Variants in MDGA2 observed in about 807,000 individuals in gnomAD.
The protein encoded by MDGA2 is MAM domain containing glycosylphosphatidylinositol anchor 2.
Under a neutral mutation model 117.8 loss-of-function variants are expected in MDGA2, and 40 were observed. The observed-to-expected ratio is 0.34, with a 90% CI of 0.26 to 0.44. The LOEUF is 0.44. MDGA2 is among the 20% of genes least tolerant of loss of function. The pLI is 1.00. For synonymous variants in MDGA2, 452 were observed against 439.0 expected (o/e 1.03, Z -0.37); for missense variants, 1,123 against 1,250.6 (o/e 0.90, Z 1.54).
intron 1 of MDGA2, among the ~76,000 whole-genome samples, chr14:47,465,040 T>C (rs1893571388): frequency 6.6e-6 from 1 of 151,876 alleles, no homozygotes; most frequent in Non-Finnish European, 1.5e-5. Context: ...AGCCCAGAAA[T>C]AAGTCCACAC....
chr14:47,347,493 T>C (rs568144374), intron 1 of MDGA2, among the ~76,000 whole-genome samples: 1 of 152,324 alleles, frequency 6.6e-6, no homozygotes, highest in South Asian at 2.1e-4. Flanking sequence ...GTAACTAGTC[T>C]AATAGACAAG....
chr14:47,225,939 A>G (rs528091760), intron 2 of MDGA2, among the ~76,000 whole-genome samples: 1 of 152,200 alleles, frequency 6.6e-6, no homozygotes, highest in South Asian at 2.1e-4. Flanking sequence ...ACTAAGATGC[A>G]ATTTAAAATA....
At chr14:47,272,163 G>C (rs1031075908) in intron 2 of MDGA2, among the ~76,000 whole-genome samples, 4 of 152,102 alleles carry the variant, frequency 2.6e-5, no homozygotes, top group African/African-American at 9.7e-5. Flanking sequence ...AACAACTAAT[G>C]AAAGAGCAAT....
intron 5 of MDGA2, among the ~76,000 whole-genome samples, chr14:47,127,207 G>A (rs1881950182): frequency 6.6e-6 from 1 of 152,070 alleles, no homozygotes; most frequent in Non-Finnish European, 1.5e-5. Context: ...ACATCACTTA[G>A]AGATTCAAAA....
rs1393612902 is a variant in MDGA2 at position 46,982,469 on chromosome 14, G to C, written c.1820-24826C>G. On this transcript the variant is annotated intron_variant, in intron 8 of 16. Transcript: ENST00000399232. ...CTCATGCCTGTAATCCCAGTACTTT[G>C]TGGGGCTGAGGCAGGCAGATCACGA... Among the ~76,000 whole-genome samples, 5 of 151,888 alleles carry C rather than the reference G, an allele frequency of 3.3e-5. No individual in the cohort carries two copies. The East Asian group carries it at 7.7e-4, about 24-fold the overall frequency.
chr14:47,023,920 A>C (rs1239814774), intron 8 of MDGA2, among the ~76,000 whole-genome samples: 1 of 152,162 alleles, frequency 6.6e-6, no homozygotes, highest in Non-Finnish European at 1.5e-5. Flanking sequence ...TAGGATCAAA[A>C]TCTGATATAC....
chr14:47,461,273 G>GTGTGTGTGTGTA (rs1417737990), intron 1 of MDGA2, among the ~76,000 whole-genome samples: 2 of 151,082 alleles, frequency 1.3e-5, no homozygotes, highest in Non-Finnish European at 3.0e-5. Context: ...AAATGTATGT[G>GTGTGTGTGTGTA]TGTGTGTGTG....
chr14:47,585,656 T>C (rs1360926236), intron 1 of MDGA2, among the ~76,000 whole-genome samples: 1 of 151,652 alleles, frequency 6.6e-6, no homozygotes, highest in Non-Finnish European at 1.5e-5. Flanking sequence ...CTAGGAAGTA[T>C]AAGGCATCTA....
chr14:47,603,127 C>A (rs1263563773), intron 1 of MDGA2, among the ~76,000 whole-genome samples: 1 of 152,088 alleles, frequency 6.6e-6, no homozygotes, highest in African/African-American at 2.4e-5. Flanking sequence ...GAATTGGGAC[C>A]ACAACTCTCT....
chr14:47,087,332 T>C (rs912449671), intron 6 of MDGA2, among the ~76,000 whole-genome samples: 2 of 151,596 alleles, frequency 1.3e-5, no homozygotes, highest in Non-Finnish European at 2.9e-5. Flanking sequence ...CTGGCTAACA[T>C]GGTGAAACCC....
intron 5 of MDGA2, among the ~76,000 whole-genome samples, chr14:47,115,461 A>G (rs8017498): frequency 0.25 from 37,883 of 151,910 alleles, 5,003 homozygotes; most frequent in East Asian, 0.5. Flanking sequence ...ATTTTGTCTT[A>G]AATGTTTGTG....
At chr14:47,024,690 T>C (rs1189851983) in intron 8 of MDGA2, among the ~76,000 whole-genome samples, 1 of 152,178 alleles carries the variant, frequency 6.6e-6, no homozygotes, top group African/African-American at 2.4e-5. Flanking sequence ...AGAAAAGTAT[T>C]TGACTTCTTT....
intron 1 of MDGA2, among the ~76,000 whole-genome samples, chr14:47,571,868 G>A (rs571587363): frequency 6.6e-6 from 1 of 152,166 alleles, no homozygotes; most frequent in East Asian, 1.9e-4. Flanking sequence ...TAACAAACCT[G>A]CAAGTTCCAC....
chr14:47,360,085 C>T (rs1036939483), intron 1 of MDGA2, among the ~76,000 whole-genome samples: 1 of 151,924 alleles, frequency 6.6e-6, no homozygotes, highest in African/African-American at 2.4e-5. Flanking sequence ...GGTGCAGTGG[C>T]TCATGCCTGT....
At chr14:47,438,842 A>G in intron 1 of MDGA2, among the ~76,000 whole-genome samples, 1 of 152,136 alleles carries the variant, frequency 6.6e-6, no homozygotes, top group Non-Finnish European at 1.5e-5. Flanking sequence ...AAACAAAAAA[A>G]AGTCTCTCTC....
chr14:47,284,626 G>C (rs1273770729), intron 2 of MDGA2, among the ~76,000 whole-genome samples: 2 of 152,114 alleles, frequency 1.3e-5, no homozygotes, highest in Non-Finnish European at 2.9e-5. Context: ...CCTGATTTTT[G>C]GATCATTTGT....
At position 47,297,019 on chromosome 14, in the gene MDGA2, T is replaced by A. The variant is rs181604800; in HGVS notation, c.420+4392A>T. Among the ~76,000 whole-genome samples, 312 of 152,282 alleles carry A rather than the reference T, an allele frequency of 2.0e-3. 2 individuals are homozygous for A. The highest frequency in any genetic ancestry group is 7.1e-3 in the African/African-American group (293 of 41,554). On this transcript the variant is annotated intron_variant, in intron 2 of 16. Coordinates refer to ENST00000399232, the MANE Select transcript of MDGA2 (RefSeq NM_001113498.3). The stretch of plus-strand genomic sequence containing the variant: ...CTGGCCCCAATGCAGGGGTTTCTAA[T>A]GTGAAGGGATCTGAGAATCTTCATT...
chr14:47,283,182 T>C (rs926287388), intron 2 of MDGA2, among the ~76,000 whole-genome samples: 26 of 151,898 alleles, frequency 1.7e-4, no homozygotes, highest in African/African-American at 6.0e-4. Flanking sequence ...GGGAAAGAAA[T>C]AGAAAGCAAA....
chr14:47,044,358 T>A (rs1228906271), intron 7 of MDGA2, among the ~76,000 whole-genome samples: 1 of 152,130 alleles, frequency 6.6e-6, no homozygotes, highest in Non-Finnish European at 1.5e-5. Flanking sequence ...AATAATACAC[T>A]AAAATATTGG....
Sources: allele counts gnomAD v4.1 joint callset (sites outside exome capture counted in the v4.1 genomes callset), GRCh38; gene constraint gnomAD v4.1.1; transcripts MANE v1.5; gene names NCBI Gene and HGNC (gene_info 2026-07-23, HGNC 2026-07-21).